The following PRMT8 variants were observed in gnomAD, a reference collection of about 807,000 sequenced individuals.
The protein encoded by PRMT8 is protein arginine N-methyltransferase 8.
A neutral mutation model predicts 47.1 loss-of-function variants in PRMT8; 7 were observed. The ratio of observed to expected loss-of-function variants is 0.15; its 90% CI spans 0.08 to 0.28. The LOEUF (loss-of-function observed/expected upper bound fraction) is 0.28. Ranked by LOEUF, PRMT8 falls within the 10% of genes least tolerant of loss-of-function variation. The pLI, the probability that PRMT8 is intolerant of heterozygous loss-of-function variation, is 1.00. For synonymous variants in PRMT8, 188 were observed against 186.5 expected (o/e 1.01, Z -0.07); for missense variants, 237 against 505.4 (o/e 0.47, Z 5.09).
rs188072382 is a variant in PRMT8, at chr12:3,574,435, A to G, written c.713-2436A>G. Among the ~76,000 whole-genome samples, 4 of 152,390 alleles carry G rather than the reference A, an allele frequency of 2.6e-5. No homozygotes were observed. In the East Asian group the frequency reaches 7.7e-4, roughly 29 times the overall value. On this transcript the variant is annotated intron_variant, in intron 6 of 9. Transcript: ENST00000382622. ...GTGGGCCCTGGAGTCTGCATTTTAA[A>G]AACTGTTCCAAGTGATTCGAGAACA...
chr12:3,406,168 G>C (rs1235782643), intron 1 of PRMT8, among the ~76,000 whole-genome samples: 3 of 152,248 alleles, frequency 2.0e-5, no homozygotes, highest in African/African-American at 7.2e-5. Context: ...GCAATGGCTT[G>C]AGCTGTACTT....
At chr12:3,537,358 A>G (rs141548634) in intron 1 of PRMT8, among the ~76,000 whole-genome samples, 55 of 152,272 alleles carry the variant, frequency 3.6e-4, no homozygotes, top group African/African-American at 1.3e-3. Flanking sequence ...TTTCCCCAAT[A>G]TTACATTGTG....
At chr12:3,577,507 G>A (rs899535459) in intron 7 of PRMT8, among the ~76,000 whole-genome samples, 2 of 151,298 alleles carry the variant, frequency 1.3e-5, no homozygotes, top group Non-Finnish European at 2.9e-5. Context: ...TGCCCCAGCG[G>A]CCTGCCAGAT....
At chr12:3,397,434 G>C (rs1022952159) in intron 1 of PRMT8, among the ~76,000 whole-genome samples, 1 of 150,972 alleles carries the variant, frequency 6.6e-6, no homozygotes, top group African/African-American at 2.4e-5. Flanking sequence ...TTAACAGACA[G>C]GACCCTCAGC....
At position 3,467,812 on chromosome 12, in the gene PRMT8, C is replaced by T. The variant is rs149086450; in HGVS notation, c.49-72794C>T. 2.0e-3 allele frequency among the ~76,000 whole-genome samples: 304 copies of T among 152,348 alleles called. 2 individuals are homozygous for T. The highest frequency in any genetic ancestry group is 7.1e-3 in the African/African-American group (297 of 41,576). On this transcript the variant is annotated intron_variant, in intron 1 of 9. Transcript: ENST00000452611. ...CAGGCACCTCATTCCTAGAACAGAA[C>T]GCACCTGAAGCGAAGCGAAGGGACC...
chr12:3,593,417 AAG>A lies in PRMT8; in HGVS notation c.*238_*239del. ...TCACGAAGGCTTTGTGTTGCCAACA[AAG>A]AGCGACCTGGCGTGCTGTGGCTGGG... On this transcript the variant is annotated 3_prime_UTR_variant, in exon 10 of 10. Coordinates refer to ENST00000382622, the MANE Select transcript of PRMT8 (RefSeq NM_019854.5). This position sits in a 1 kb window ranked among gnomAD's most constrained non-coding sequence, Gnocchi z 4.8. The A allele has an allele frequency of 1.9e-6, 1 of 513,082 alleles. No homozygotes were observed. Among genetic ancestry groups the A allele is most frequent in the South Asian group, 2.4e-5 (1 of 42,410 alleles). 31.8% of individuals were successfully genotyped at this position (513,082 alleles called of 1,614,324 possible).
chr12:3,519,437 C>G (rs1486077256), intron 1 of PRMT8, among the ~76,000 whole-genome samples: 1 of 152,070 alleles, frequency 6.6e-6, no homozygotes. Context: ...GGAAAGGATG[C>G]AGTGTGGCCA....
chr12:3,398,910 G>T (rs190002522), intron 1 of PRMT8, among the ~76,000 whole-genome samples: 28 of 152,326 alleles, frequency 1.8e-4, no homozygotes, highest in Admixed American at 1.0e-3. Flanking sequence ...GCTGCTCATG[G>T]TGTGGGGGAA....
Position 3,491,413 on chromosome 12 carries a change from G to A in PRMT8, c.-213G>A, listed in dbSNP as rs1865395341. On this transcript the variant is annotated 5_prime_UTR_variant, in exon 1 of 10. Transcript: ENST00000382622. ...CGAGAAGAACTTGAAACCGTGTGAAGGAATCCGGAGCAGATGAGAAGGGAG... is the reference window on the plus strand; with the variant it reads ...CGAGAAGAACTTGAAACCGTGTGAAAGAATCCGGAGCAGATGAGAAGGGAG... 4 of 1,331,910 alleles carry A rather than the reference G, an allele frequency of 3.0e-6. No homozygotes were observed. In the South Asian group the frequency reaches 6.5e-5, roughly 22 times the overall value. 82.5% of individuals were successfully genotyped at this position (1,331,910 alleles called of 1,614,324 possible).
At chr12:3,589,052 T>C (rs1867241616) in intron 8 of PRMT8, among the ~76,000 whole-genome samples, 1 of 152,240 alleles carries the variant, frequency 6.6e-6, no homozygotes, top group Admixed American at 6.5e-5. Context: ...AGAGCCATAG[T>C]TGATGGACTA....
chr12:3,401,530 C>T (rs1018710124), intron 1 of PRMT8, among the ~76,000 whole-genome samples: 6 of 152,074 alleles, frequency 3.9e-5, no homozygotes, highest in Non-Finnish European at 7.4e-5. Flanking sequence ...TAAATTATCT[C>T]TATATTTCTT....
chr12:3,452,314 TAAAC>T (rs1479118179), intron 1 of PRMT8, among the ~76,000 whole-genome samples: 1 of 34,882 alleles, frequency 2.9e-5, no homozygotes, highest in African/African-American at 6.8e-5. Context: ...GAACCTAAAT[TAAAC>T]ACACACACAC....
At position 3,535,423 on chromosome 12, in the gene PRMT8, A is replaced by T. The variant is rs1866101043; in HGVS notation, c.76-5183A>T. On this transcript the variant is annotated intron_variant, in intron 1 of 9. Coordinates refer to ENST00000382622, the MANE Select transcript of PRMT8 (RefSeq NM_019854.5). This position sits in a 1 kb window ranked among gnomAD's most constrained non-coding sequence, Gnocchi z 4.7. Reference sequence around the variant, plus strand: ...CGCTGGCGTGGTGAGTCGAAGGCAAATCACAAGTATTGACAGTGGAGGGTG... The same window carrying T: ...CGCTGGCGTGGTGAGTCGAAGGCAATTCACAAGTATTGACAGTGGAGGGTG... 6.6e-6 allele frequency among the ~76,000 whole-genome samples: 1 copy of T among 152,148 alleles called. No individual in the cohort carries two copies. Among genetic ancestry groups the T allele is most frequent in the African/African-American group, 2.4e-5 (1 of 41,426 alleles).
At chr12:3,415,557 C>T (rs1484791661) in intron 1 of PRMT8, among the ~76,000 whole-genome samples, 1 of 152,140 alleles carries the variant, frequency 6.6e-6, no homozygotes, top group Non-Finnish European at 1.5e-5. Context: ...TTGGAGATTT[C>T]CAGGATTTTA....
rs139642048 is a variant in PRMT8, at chr12:3,465,630, T to C, written c.49-74976T>C. 4.5e-4 allele frequency among the ~76,000 whole-genome samples: 68 copies of C among 152,288 alleles called. 1 individual carries two copies. The East Asian group carries it at 9.4e-3, about 21-fold the overall frequency. On this transcript the variant is annotated intron_variant, in intron 1 of 9. Transcript: ENST00000452611. ...TTTATTTTGAAGGCATAGGGAGTCA[T>C]TGAGGCTTATTGAACAGGGGAGTGC...
rs1244606738 is a variant in PRMT8 at position 3,580,452 on chromosome 12, A to C, written c.829-2606A>C. ...GAATCATTGAAGGTTATAGATCCAG[A>C]GACTGACACAGTCTGGATGAACCTG... On this transcript the variant is annotated intron_variant, in intron 7 of 9. Transcript: ENST00000382622. This position sits in a 1 kb window ranked among gnomAD's most constrained non-coding sequence, Gnocchi z 4.6. Among the ~76,000 whole-genome samples the C allele has an allele frequency of 1.3e-5, 2 of 152,138 alleles. No homozygotes were observed. Among genetic ancestry groups the C allele is most frequent in the Non-Finnish European group, 2.9e-5 (2 of 68,036 alleles).
chr12:3,457,010 C>CGCCACCACTGGGACTATTGT (rs1565412490), intron 1 of PRMT8, among the ~76,000 whole-genome samples: 1 of 152,200 alleles, frequency 6.6e-6, no homozygotes, highest in African/African-American at 2.4e-5. Context: ...AGAGTTCCAG[C>CGCCACCACTGGGACTATTGT]GCCACCACTG....
At chr12:3,417,045 T>C (rs1187177555) in intron 1 of PRMT8, among the ~76,000 whole-genome samples, 2 of 152,242 alleles carry the variant, frequency 1.3e-5, no homozygotes, top group African/African-American at 2.4e-5. Flanking sequence ...GGAACTATTA[T>C]ACTGATCTGA....
At chr12:3,571,148 T>A (rs1866837233) in intron 6 of PRMT8, among the ~76,000 whole-genome samples, 1 of 152,232 alleles carries the variant, frequency 6.6e-6, no homozygotes, top group Non-Finnish European at 1.5e-5. Context: ...AGTTTCTGAC[T>A]GTGTAGCTAA....
Sources: allele counts gnomAD v4.1 joint callset (sites outside exome capture counted in the v4.1 genomes callset), GRCh38; gene constraint gnomAD v4.1.1; non-coding constraint Gnocchi (gnomAD v3.1); transcripts MANE v1.5; gene names NCBI Gene and HGNC (gene_info 2026-07-23, HGNC 2026-07-21).